Variants in UMODL1 observed in about 807,000 individuals in gnomAD.
UMODL1 encodes the protein uromodulin like 1.
A neutral mutation model predicts 136.3 loss-of-function variants in UMODL1; 128 were observed. The observed-to-expected ratio is 0.94, with a 90% CI of 0.81 to 1.09. UMODL1 has a LOEUF of 1.09. Ranked by LOEUF, UMODL1 falls within the 50% of genes least tolerant of loss-of-function variation. The pLI is 0.00. For missense variants in UMODL1, 1,766 were observed against 1,725.6 expected (o/e 1.02, Z -0.41); for synonymous variants, 721 against 720.0 (o/e 1.00, Z -0.02).
intron 6 of UMODL1, among the ~76,000 whole-genome samples, chr21:42,097,540 A>C (rs932005387): frequency 6.6e-6 from 1 of 152,178 alleles, no homozygotes; most frequent in African/African-American, 2.4e-5. Context: ...TTTGTTATTG[A>C]GAGAAAGCAG....
At chr21:42,066,622 A>G (rs1393404278), upstream of UMODL1, among the ~76,000 whole-genome samples, 1 of 152,112 alleles carries the variant, frequency 6.6e-6, no homozygotes, top group Non-Finnish European at 1.5e-5. Context: ...AAGCTGCAAA[A>G]CCACCTCCTG....
At chr21:42,102,364 T>G in intron 8 of UMODL1, 86 bp downstream of exon 8, 1 of 1,045,678 alleles carries the variant, frequency 9.6e-7, no homozygotes. Flanking sequence ...TGCCCAGCTC[T>G]TCCTCTGGGA....
At chr21:42,069,250 AC>A (rs1166336579), upstream of UMODL1, among the ~76,000 whole-genome samples, 1 of 151,838 alleles carries the variant, frequency 6.6e-6, no homozygotes, top group Admixed American at 6.6e-5. Flanking sequence ...ACACACACAC[AC>A]ACACACACAC....
chr21:42,137,523 C>T lies in UMODL1; in HGVS notation c.3860C>T (p.Thr1287Ile). Residue 1287 changes from threonine (T) to isoleucine (I), a missense_variant, in exon 22 of 23, where the codon ACA becomes ATA. Thr to Ile is a moderately conservative substitution (Grantham distance 89). Transcript: ENST00000408910. The stretch of plus-strand genomic sequence containing the variant: ...GCCATCTTCGTGCTGGTGGCGGGAA[C>T]AGCCACCCTTCTGATCGTGCGCTAC... Reference protein sequence around the residue: ...VVAIFVLVAGTATLLIVRYQR... With the variant: ...VVAIFVLVAGIATLLIVRYQR... 6.2e-7 allele frequency: 1 copy of T among 1,614,244 alleles called. No individual in the cohort carries two copies. The highest frequency in any genetic ancestry group is 8.5e-7 in the Non-Finnish European group (1 of 1,180,048).
At chr21:42,101,144 G>T (rs982666183) in intron 7 of UMODL1, among the ~76,000 whole-genome samples, 1 of 151,318 alleles carries the variant, frequency 6.6e-6, no homozygotes, top group African/African-American at 2.4e-5. Flanking sequence ...TGCTTTAAAG[G>T]CCTTGTCTAA....
intron 17 of UMODL1, among the ~76,000 whole-genome samples, chr21:42,124,747 C>G (rs2067029517): frequency 6.6e-6 from 1 of 152,092 alleles, no homozygotes; most frequent in African/African-American, 2.4e-5. Flanking sequence ...GGGCCCTGGG[C>G]TTCTGTCCCT....
chr21:42,065,583 A>G (rs2066176743), intron 1 of UMODL1, among the ~76,000 whole-genome samples: 1 of 148,480 alleles, frequency 6.7e-6, no homozygotes, highest in Non-Finnish European at 1.5e-5. Context: ...TGTCACCCTG[A>G]CTGGAGTACA....
At chr21:42,079,880 T>G (rs747373025) in intron 2 of UMODL1, among the ~76,000 whole-genome samples, 1 of 152,132 alleles carries the variant, frequency 6.6e-6, no homozygotes, top group African/African-American at 2.4e-5. Context: ...GGCATTTGAG[T>G]GCTGTGGCTG....
chr21:42,134,799 T>A (rs548778405), intron 21 of UMODL1, among the ~76,000 whole-genome samples: 54 of 151,680 alleles, frequency 3.6e-4, no homozygotes, highest in African/African-American at 1.2e-3. Flanking sequence ...TTTTTTATAT[T>A]TTTTTAGTAG....
At chr21:42,074,607 G>A (rs2066266787) in intron 1 of UMODL1, among the ~76,000 whole-genome samples, 1 of 152,206 alleles carries the variant, frequency 6.6e-6, no homozygotes, top group Admixed American at 6.5e-5. Context: ...TGGGCCTTGT[G>A]TAAAGGAACC....
intron 8 of UMODL1, 92 bp downstream of exon 8, chr21:42,102,370 T>C: frequency 2.1e-6 from 2 of 973,618 alleles, no homozygotes. Context: ...GCTCTTCCTC[T>C]GGGATTGTGG....
Position 42,123,151 on chromosome 21 carries a change from G to GT in UMODL1, c.3147+2dup. On this transcript the variant is annotated splice_donor_variant, in intron 17 of 22. Coordinates refer to ENST00000408910, the MANE Select transcript of UMODL1 (RefSeq NM_001004416.3). LOFTEE classifies it high-confidence loss of function. The surrounding 1 kb of genome is among the most constrained non-coding windows in gnomAD (Gnocchi z 4.4). ...CGAGTGTGGGACCCTCATGCAGAGCGTAAGACCAGGAGAGCCAGGCTCAGG... is the reference window on the plus strand; with the variant it reads ...CGAGTGTGGGACCCTCATGCAGAGCGTTAAGACCAGGAGAGCCAGGCTCAGG... The GT allele has an allele frequency of 6.2e-7, 1 of 1,608,582 alleles. No homozygotes were observed. Among genetic ancestry groups the GT allele is most frequent in the Non-Finnish European group, 8.5e-7 (1 of 1,176,288 alleles).
rs551314414 is a variant in UMODL1, at chr21:42,126,418, A to G, written c.3221A>G (p.Lys1074Arg). 6.2e-7 allele frequency: 1 copy of G among 1,614,222 alleles called. No individual in the cohort carries two copies. Among genetic ancestry groups the G allele is most frequent in the African/African-American group, 1.3e-5 (1 of 75,056 alleles). The change falls in exon 18 of 23, where the codon AAG becomes AGG. Residue 1074 changes from lysine (K) to arginine (R), a missense_variant. Transcript: ENST00000408910. ...LSQEGIIHHLKILSPIYCAFQ... is the reference protein window; with the variant it reads ...LSQEGIIHHLRILSPIYCAFQ... ...CAGGAGGGCATCATCCACCACCTGAAGATCCTGAGCCCCATCTACTGCGCC... is the reference window on the plus strand; with the variant it reads ...CAGGAGGGCATCATCCACCACCTGAGGATCCTGAGCCCCATCTACTGCGCC...
chr21:42,098,584 T>C (rs1479515365), intron 6 of UMODL1, among the ~76,000 whole-genome samples: 8 of 151,568 alleles, frequency 5.3e-5, no homozygotes, highest in Non-Finnish European at 8.8e-5. Flanking sequence ...CTGGCCAACA[T>C]GGTGAAACCC....
chr21:42,135,348 G>C (rs888285100), intron 21 of UMODL1, among the ~76,000 whole-genome samples: 1 of 152,256 alleles, frequency 6.6e-6, no homozygotes, highest in Admixed American at 6.5e-5. Flanking sequence ...TTTGGTGTCA[G>C]TCAGTGGGCA....
Position 42,122,789 on chromosome 21 carries a change from A to G in UMODL1, c.2828-42A>G, listed in dbSNP as rs2146529163. The G allele has an allele frequency of 1.3e-6, 2 of 1,541,766 alleles. No homozygotes were observed. The highest frequency in any genetic ancestry group is 2.5e-5 in the South Asian group (2 of 79,082). Reference sequence around the variant, plus strand: ...CCCTGCCCCTCCATGCCAACCCCAAACACAGAGCCACTCTTTGCCTTTTCC... The same window carrying G: ...CCCTGCCCCTCCATGCCAACCCCAAGCACAGAGCCACTCTTTGCCTTTTCC... On this transcript the variant is annotated intron_variant, in intron 16 of 22. Coordinates refer to ENST00000408910, the MANE Select transcript of UMODL1 (RefSeq NM_001004416.3). The surrounding 1 kb of genome is among the most constrained non-coding windows in gnomAD (Gnocchi z 4.3).
chr21:42,087,055 A>C (rs1049979379), intron 4 of UMODL1, among the ~76,000 whole-genome samples: 2 of 152,212 alleles, frequency 1.3e-5, no homozygotes, highest in Non-Finnish European at 2.9e-5. Flanking sequence ...AAAGAGCTTG[A>C]GATGGTTCCT....
intron 21 of UMODL1, among the ~76,000 whole-genome samples, chr21:42,130,969 A>G (rs1601279492): frequency 6.6e-6 from 1 of 151,996 alleles, no homozygotes; most frequent in East Asian, 1.9e-4. Context: ...ACCCACCGCC[A>G]CGCCCGGCTA....
At chr21:42,064,377 C>G (rs220270) in intron 1 of UMODL1, among the ~76,000 whole-genome samples, 104,921 of 151,950 alleles carry the variant, frequency 0.69, 37,513 homozygotes, top group Admixed American at 0.82. Flanking sequence ...TGCCTTTGGA[C>G]TTGAACTGAA....
Sources: gnomAD v4.1 joint callset for allele counts (sites outside exome capture counted in the v4.1 genomes callset) on GRCh38, gnomAD v4.1.1 for gene constraint, Gnocchi (gnomAD v3.1) non-coding constraint, MANE v1.5 for transcripts, NCBI Gene and HGNC (gene_info 2026-07-23, HGNC 2026-07-21) for gene names.